Variants in ADRA1B observed in about 807,000 individuals in gnomAD.
ADRA1B encodes the protein alpha-1B adrenergic receptor.
Under a neutral mutation model 17.9 loss-of-function variants are expected in ADRA1B, and 17 were observed. The ratio of observed to expected loss-of-function variants is 0.95; its 90% confidence interval spans 0.65 to 1.42. The LOEUF is 1.42. ADRA1B is among the 40% of genes most tolerant of loss of function. ADRA1B has a pLI of 0.00. For synonymous variants in ADRA1B, 366 were observed against 327.6 expected, an observed-to-expected ratio of 1.12 and a Z score of -1.27; for missense variants, 681 against 722.1, an observed-to-expected ratio of 0.94 and a Z score of 0.65.
At chr5:159,950,666 G>T in intron 1 of ADRA1B, 2 of 746,272 alleles carry the variant, frequency 2.7e-6, no homozygotes, top group South Asian at 2.9e-5. Flanking sequence ...ACAACCTGGT[G>T]CTCAGTGTCG....
At chr5:159,933,474 T>C (rs1394696110) in intron 1 of ADRA1B, among the ~76,000 whole-genome samples, 1 of 152,234 alleles carries the variant, frequency 6.6e-6, no homozygotes, top group East Asian at 1.9e-4. Flanking sequence ...TTTATGCTGA[T>C]AGCGTCTCAC....
At chr5:159,883,211 C>A (rs1055084046) in intron 1 of ADRA1B, among the ~76,000 whole-genome samples, 2 of 152,142 alleles carry the variant, frequency 1.3e-5, no homozygotes, top group Non-Finnish European at 2.9e-5. Flanking sequence ...CTCCTACAAT[C>A]AAAAAACCCA....
At chr5:159,905,487 A>G (rs1326848709) in intron 1 of ADRA1B, among the ~76,000 whole-genome samples, 1 of 152,248 alleles carries the variant, frequency 6.6e-6, no homozygotes, top group African/African-American at 2.4e-5. Flanking sequence ...GGCTGAGATC[A>G]AACTGTCCTT....
intron 1 of ADRA1B, among the ~76,000 whole-genome samples, chr5:159,899,657 T>C (rs992983183): frequency 6.6e-6 from 1 of 152,208 alleles, no homozygotes; most frequent in Non-Finnish European, 1.5e-5. Flanking sequence ...AGTCATAACC[T>C]GCACAACGGC....
chr5:159,961,349 G>C (rs1755661556), intron 1 of ADRA1B, among the ~76,000 whole-genome samples: 1 of 152,174 alleles, frequency 6.6e-6, no homozygotes. Context: ...TGTTGCAAAA[G>C]GTGGCTGTGG....
intron 1 of ADRA1B, among the ~76,000 whole-genome samples, chr5:159,918,105 A>G (rs78609450): frequency 0.026 from 3,995 of 152,324 alleles, 81 homozygotes; most frequent in Non-Finnish European, 0.036. Context: ...ATCTGGTATG[A>G]GGAATGACTC....
In ADRA1B at chr5:159,944,834, G is replaced by C. The variant is rs1346384769; in HGVS notation, c.949+26980G>C. On this transcript the variant is annotated intron_variant, in intron 1 of 1. Coordinates refer to ENST00000306675, the MANE Select transcript of ADRA1B (RefSeq NM_000679.4). The stretch of plus-strand genomic sequence containing the variant: ...ATCTATTAAGTACCTTCCCTGTCTC[G>C]AGTACTCTTCAAGGCACTGCAGATA... 3.3e-5 allele frequency among the ~76,000 whole-genome samples: 5 copies of C among 152,144 alleles called. No homozygotes were observed. In the South Asian group the frequency reaches 6.2e-4, roughly 19 times the overall value.
chr5:159,907,720 T>C (rs1754176543), intron 1 of ADRA1B, among the ~76,000 whole-genome samples: 1 of 152,178 alleles, frequency 6.6e-6, no homozygotes, highest in African/African-American at 2.4e-5. Context: ...AACAACTCCA[T>C]GTGGTAAATA....
intron 1 of ADRA1B, among the ~76,000 whole-genome samples, chr5:159,877,541 A>C (rs1753816933): frequency 6.6e-6 from 1 of 152,070 alleles, no homozygotes; most frequent in Non-Finnish European, 1.5e-5. Context: ...CTCATATCTC[A>C]TTGGGTCCTT....
At chr5:159,869,782 A>G (rs1284507127) in intron 1 of ADRA1B, 1 of 152,252 alleles carries the variant, frequency 6.6e-6, no homozygotes, top group Non-Finnish European at 1.5e-5. Flanking sequence ...ACAAAATGGG[A>G]ATAATAATCG....
intron 1 of ADRA1B, among the ~76,000 whole-genome samples, chr5:159,926,653 G>A (rs1025147314): frequency 8.5e-5 from 13 of 152,078 alleles, no homozygotes; most frequent in African/African-American, 2.4e-4. Context: ...TTGGGAGGCC[G>A]AGGCGGGCGG....
intron 1 of ADRA1B, among the ~76,000 whole-genome samples, chr5:159,883,516 T>A (rs1261264428): frequency 6.6e-6 from 1 of 152,196 alleles, no homozygotes; most frequent in African/African-American, 2.4e-5. Flanking sequence ...AAATTTAGCC[T>A]AGAGCAACAG....
At chr5:159,947,940 C>T (rs1755322141) in intron 1 of ADRA1B, 1 of 985,334 alleles carries the variant, frequency 1.0e-6, no homozygotes, top group Non-Finnish European at 1.2e-6. Flanking sequence ...CTCTTCCAAG[C>T]TCCAGCTGTC....
At chr5:159,943,064 T>C (rs1407077936) in intron 1 of ADRA1B, among the ~76,000 whole-genome samples, 7 of 152,032 alleles carry the variant, frequency 4.6e-5, no homozygotes, top group African/African-American at 7.2e-5. Flanking sequence ...ATACAAAAAT[T>C]AGCCGGGCAT....
intron 1 of ADRA1B, among the ~76,000 whole-genome samples, chr5:159,897,491 A>T (rs796467610): frequency 2.3e-4 from 35 of 152,226 alleles, no homozygotes; most frequent in African/African-American, 8.4e-4. Flanking sequence ...ATCTAAAAAA[A>T]AAAAAGAAAA....
intron 1 of ADRA1B, among the ~76,000 whole-genome samples, chr5:159,932,099 T>C (rs1352837179): frequency 6.6e-6 from 1 of 152,212 alleles, no homozygotes; most frequent in African/African-American, 2.4e-5. Context: ...CTGACTGACT[T>C]CTTATCATAT....
upstream of ADRA1B, among the ~76,000 whole-genome samples, chr5:159,914,643 G>T (rs1754260632): frequency 6.6e-6 from 1 of 152,118 alleles, no homozygotes; most frequent in Admixed American, 6.5e-5. Flanking sequence ...ACTTTGCTGG[G>T]AGTAAATTAA....
chr5:159,972,076 G>T lies in ADRA1B; in HGVS notation c.1147G>T (p.Gly383Cys). 1 of 1,298,536 alleles carries T rather than the reference G, an allele frequency of 7.7e-7. No individual in the cohort carries two copies. The highest frequency in any genetic ancestry group is 9.8e-7 in the Non-Finnish European group (1 of 1,023,512). 80.4% of individuals were successfully genotyped at this position (1,298,536 alleles called of 1,614,324 possible). A position where few individuals can be genotyped will look rare whatever the true frequency, so the allele number is the denominator to read the frequency against. Residue 383 changes from glycine (G) to cysteine (C), a missense_variant, in exon 2 of 2, where the codon GGC (glycine) becomes TGC (cysteine). This residue lies in a region of ADRA1B where 251 missense variants were observed against 224.9 expected (regional missense o/e 1.12). Coordinates refer to ENST00000306675, the MANE Select transcript of ADRA1B (RefSeq NM_000679.4). ...ACGCCGCCGCCGCCGTCGCCTGGGC[G>T]GCTGCGCCTACACCTACCGGCCGTG... is the stretch of plus-strand genomic sequence containing the variant. ...RRRRRRRRLG[G>C]CAYTYRPWTR...
At chr5:159,949,703 T>A (rs78335203) in intron 1 of ADRA1B, among the ~76,000 whole-genome samples, 3,798 of 152,188 alleles carry the variant, frequency 0.025, 69 homozygotes, top group Non-Finnish European at 0.035. Context: ...AGGTACTAGG[T>A]CAAGACTCTC....
Sources: gnomAD v4.1 joint callset for allele counts (sites outside exome capture counted in the v4.1 genomes callset) on GRCh38, gnomAD v4.1.1 for gene constraint, gnomAD v4.1.1 regional missense constraint, MANE v1.5 for transcripts, NCBI Gene and HGNC (gene_info 2026-07-23, HGNC 2026-07-21) for gene names.